The following ARHGAP26 variants were observed in gnomAD, a reference collection of about 807,000 sequenced individuals.
ARHGAP26 encodes Rho GTPase activating protein 26, also known as rho GTPase-activating protein 26.
In ARHGAP26, 38 loss-of-function variants were observed where a neutral mutation model predicts 104.8. That is an observed-to-expected ratio of 0.36 (90% CI 0.28 to 0.48). The LOEUF (loss-of-function observed/expected upper bound fraction) is 0.48. Among genes scored for constraint, ARHGAP26 ranks in the 20% least tolerant of loss-of-function variants. The pLI, the probability that ARHGAP26 is intolerant of heterozygous loss-of-function variation, is 0.99. For synonymous variants in ARHGAP26, 341 were observed against 340.0 expected (o/e 1.00, Z -0.03); for missense variants, 704 against 947.9 (o/e 0.74, Z 3.38).
At chr5:143,026,814 G>A (rs965093018) in intron 12 of ARHGAP26, among the ~76,000 whole-genome samples, 8 of 134,510 alleles carry the variant, frequency 5.9e-5, no homozygotes, top group Admixed American at 2.2e-4. Context: ...GGGGGTGGGG[G>A]GTGGGGGCAA....
chr5:143,033,058 A>G (rs1027286982), intron 12 of ARHGAP26, among the ~76,000 whole-genome samples: 1 of 152,254 alleles, frequency 6.6e-6, no homozygotes, highest in Non-Finnish European at 1.5e-5. Flanking sequence ...ATTATCATCA[A>G]TATGCAATTT....
chr5:143,114,019 T>G (rs969307740), intron 17 of ARHGAP26, among the ~76,000 whole-genome samples: 7 of 152,198 alleles, frequency 4.6e-5, no homozygotes, highest in African/African-American at 1.7e-4. Flanking sequence ...ACCTTCTCAG[T>G]GCTTCTCTTT....
intron 20 of ARHGAP26, among the ~76,000 whole-genome samples, chr5:143,158,736 T>C (rs934129114): frequency 2.6e-5 from 4 of 152,156 alleles, no homozygotes; most frequent in African/African-American, 9.7e-5. Flanking sequence ...AGGCAGCTGG[T>C]GATGGGGCTA....
chr5:142,843,004 G>T (rs1771111381), intron 1 of ARHGAP26, among the ~76,000 whole-genome samples: 1 of 152,128 alleles, frequency 6.6e-6, no homozygotes, highest in Non-Finnish European at 1.5e-5. Context: ...CCAAACCTTT[G>T]TTCCCCCATA....
intron 11 of ARHGAP26, among the ~76,000 whole-genome samples, chr5:142,984,933 G>GC (rs755861017): frequency 2.3e-4 from 34 of 149,014 alleles, no homozygotes; most frequent in Middle Eastern, 3.4e-3. Context: ...AAAAAAAAAA[G>GC]CGGTCAGACA....
rs138350432 is a variant in ARHGAP26, at chr5:142,893,717, A to C, written c.487-521A>C. 2.0e-5 allele frequency among the ~76,000 whole-genome samples: 3 copies of C among 152,328 alleles called. No homozygotes were observed. The East Asian group carries it at 5.8e-4, about 29-fold the overall frequency. The stretch of plus-strand genomic sequence containing the variant: ...TGTACTAATTTACATTCCCACCATC[A>C]GTTCCCTTTTCTCCCCATCCTTACC... On this transcript the variant is annotated intron_variant, in intron 5 of 22. Coordinates refer to ENST00000645722, the MANE Select transcript of ARHGAP26 (RefSeq NM_001135608.3).
intron 17 of ARHGAP26, among the ~76,000 whole-genome samples, chr5:143,105,497 A>G (rs1793880926): frequency 1.3e-5 from 2 of 152,242 alleles, no homozygotes; most frequent in African/African-American, 2.4e-5. Context: ...TAACGAAGAT[A>G]GAAGCATTTT....
intron 11 of ARHGAP26, among the ~76,000 whole-genome samples, chr5:142,954,947 A>C (rs1442810409): frequency 3.9e-5 from 6 of 152,190 alleles, no homozygotes; most frequent in Non-Finnish European, 8.8e-5. Context: ...TTGAGGAGCA[A>C]GAGGGAAACA....
chr5:142,871,962 C>G lies in ARHGAP26; in HGVS notation c.155-1438C>G, dbSNP rs1054790263. Among the ~76,000 whole-genome samples, 1 of 152,192 alleles carries G rather than the reference C, an allele frequency of 6.6e-6. No homozygotes were observed. The highest frequency in any genetic ancestry group is 6.5e-5 in the Admixed American group (1 of 15,284). On this transcript the variant is annotated intron_variant, in intron 1 of 22. Transcript: ENST00000645722. This position sits in a 1 kb window ranked among gnomAD's most constrained non-coding sequence, Gnocchi z 4.1. ...CGCAGCTATCTCGGGACCGTGTCAT[C>G]ACAGCGTGTGGGAGGGCAGTCCAGG... is the stretch of plus-strand genomic sequence containing the variant.
At chr5:142,880,645 G>GT (rs1373967543) in intron 4 of ARHGAP26, among the ~76,000 whole-genome samples, 3 of 152,156 alleles carry the variant, frequency 2.0e-5, no homozygotes, top group Non-Finnish European at 2.9e-5. Context: ...TTTTCTTCCT[G>GT]TTTTTCTGGA....
intron 17 of ARHGAP26, among the ~76,000 whole-genome samples, chr5:143,064,395 G>A (rs1787177133): frequency 6.6e-6 from 1 of 150,600 alleles, no homozygotes; most frequent in Non-Finnish European, 1.5e-5. Context: ...TTCCTTGACT[G>A]GCTCTTTTTT....
chr5:142,799,370 A>G (rs906218669), intron 1 of ARHGAP26, among the ~76,000 whole-genome samples: 2 of 152,208 alleles, frequency 1.3e-5, no homozygotes, highest in African/African-American at 4.8e-5. Context: ...TGCCTGGCAC[A>G]CAGTAGCCAT....
chr5:143,180,044 C>G (rs1002124020), intron 20 of ARHGAP26, among the ~76,000 whole-genome samples: 6 of 152,214 alleles, frequency 3.9e-5, no homozygotes, highest in Admixed American at 1.3e-4. Context: ...GGACATCTCT[C>G]TGTCTCAAAG....
intron 11 of ARHGAP26, among the ~76,000 whole-genome samples, chr5:142,958,635 C>T (rs1769647373): frequency 6.6e-6 from 1 of 152,186 alleles, no homozygotes; most frequent in Admixed American, 6.5e-5. Context: ...CCACTGCACT[C>T]CAGCCTGAGC....
In ARHGAP26 at chr5:143,042,075, G is replaced by A. The variant is rs187569382; in HGVS notation, c.1285+185G>A. ...TTCAGACACTGCTGGGAAAGGTTCT[G>A]AGTAGGACTGGACAAAATAAAAAAT... On this transcript the variant is annotated intron_variant, in intron 14 of 22. Coordinates refer to ENST00000645722, the MANE Select transcript of ARHGAP26 (RefSeq NM_001135608.3). Among the ~76,000 whole-genome samples the A allele has an allele frequency of 4.3e-3, 662 of 152,306 alleles. 6 individuals carry two copies. The highest frequency in any genetic ancestry group is 5.3e-3 in the Non-Finnish European group (361 of 68,020).
intron 17 of ARHGAP26, among the ~76,000 whole-genome samples, chr5:143,110,803 T>A (rs983895479): frequency 2.0e-5 from 3 of 152,222 alleles, no homozygotes. Context: ...TCTTTTTATA[T>A]GTGAATGCTG....
At chr5:143,061,732 A>T (rs1002688596) in intron 17 of ARHGAP26, among the ~76,000 whole-genome samples, 1 of 152,232 alleles carries the variant, frequency 6.6e-6, no homozygotes, top group African/African-American at 2.4e-5. Flanking sequence ...TTCTCAGCTC[A>T]TGAAGGACTC....
chr5:142,889,098 TC>T (rs953094003), intron 5 of ARHGAP26, among the ~76,000 whole-genome samples: 1 of 152,198 alleles, frequency 6.6e-6, no homozygotes, highest in Non-Finnish European at 1.5e-5. Context: ...GATTTCTTCT[TC>T]CTTTTCCTTT....
chr5:142,870,456 C>CACAT (rs1755118769), intron 1 of ARHGAP26, among the ~76,000 whole-genome samples: 1 of 152,122 alleles, frequency 6.6e-6, no homozygotes, highest in Non-Finnish European at 1.5e-5. Context: ...ATGGTGTTCC[C>CACAT]ACATACTACA....
Sources: gnomAD v4.1 joint callset for allele counts (sites outside exome capture counted in the v4.1 genomes callset) on GRCh38, gnomAD v4.1.1 for gene constraint, Gnocchi (gnomAD v3.1) non-coding constraint, MANE v1.5 for transcripts, NCBI Gene and HGNC (gene_info 2026-07-23, HGNC 2026-07-21) for gene names.